The following MTUS1 variants were observed in gnomAD, a reference collection of about 807,000 sequenced individuals.
The protein encoded by MTUS1 is microtubule-associated tumor suppressor 1.
In MTUS1, 109 loss-of-function variants were observed where a neutral mutation model predicts 120.8. The ratio of observed to expected loss-of-function variants is 0.90; its 90% confidence interval spans 0.77 to 1.06. The LOEUF is 1.06. Ranked by LOEUF, MTUS1 falls within the 50% of genes least tolerant of loss-of-function variation. MTUS1 has a pLI of 0.00. For synonymous variants in MTUS1, 737 were observed against 550.5 expected (o/e 1.34, Z -4.74); for missense variants, 2,210 against 1,486.3 (o/e 1.49, Z -8.01).
At chr8:17,689,043 C>T (rs1183858111) in intron 6 of MTUS1, among the ~76,000 whole-genome samples, 3 of 152,030 alleles carry the variant, frequency 2.0e-5, no homozygotes, top group Non-Finnish European at 4.4e-5. Context: ...AACCCCATCT[C>T]GACTAAAAAT....
At chr8:17,779,089 C>A (rs2050677995) in intron 1 of MTUS1, among the ~76,000 whole-genome samples, 1 of 152,112 alleles carries the variant, frequency 6.6e-6, no homozygotes, top group African/African-American at 2.4e-5. Flanking sequence ...CAAGGAAGGC[C>A]TCTCTGAACA....
chr8:17,744,689 CTTTTTTT>C (rs58283163), intron 2 of MTUS1, among the ~76,000 whole-genome samples: 1 of 99,014 alleles, frequency 1.0e-5, no homozygotes, highest in African/African-American at 4.1e-5. Context: ...ACCATGTTTT[CTTTTTTT>C]TTTTTTTTTT....
chr8:17,794,577 C>T (rs2052066962), intron 1 of MTUS1, among the ~76,000 whole-genome samples: 1 of 152,162 alleles, frequency 6.6e-6, no homozygotes, highest in South Asian at 2.1e-4. Flanking sequence ...TCCTTCTACC[C>T]TATCCTGACC....
chr8:17,712,454 A>C (rs1821501854), intron 6 of MTUS1, among the ~76,000 whole-genome samples: 1 of 152,064 alleles, frequency 6.6e-6, no homozygotes, highest in African/African-American at 2.4e-5. Context: ...ATCCTGCCTC[A>C]GCCTCCTGAG....
At chr8:17,667,537 T>C (rs1306727102) in intron 8 of MTUS1, among the ~76,000 whole-genome samples, 3 of 152,256 alleles carry the variant, frequency 2.0e-5, no homozygotes, top group Non-Finnish European at 4.4e-5. Context: ...ATGTGTATAC[T>C]GCTTTTGGCA....
intron 3 of MTUS1, among the ~76,000 whole-genome samples, chr8:17,727,489 A>G (rs2046298597): frequency 6.6e-6 from 1 of 152,218 alleles, no homozygotes; most frequent in Non-Finnish European, 1.5e-5. Context: ...CGGAATGGTG[A>G]AAACCGTACG....
chr8:17,759,792 A>T (rs961538747), intron 1 of MTUS1, among the ~76,000 whole-genome samples: 8 of 151,710 alleles, frequency 5.3e-5, no homozygotes, highest in African/African-American at 1.9e-4. Flanking sequence ...ACTAAAGTTA[A>T]GGTTAAATGT....
chr8:17,775,977 G>T (rs1351990276), intron 1 of MTUS1, among the ~76,000 whole-genome samples: 1 of 152,204 alleles, frequency 6.6e-6, no homozygotes, highest in African/African-American at 2.4e-5. Context: ...GGCAAAGAAT[G>T]ACACAACTAC....
intron 2 of MTUS1, among the ~76,000 whole-genome samples, chr8:17,747,371 C>A (rs902014706): frequency 6.6e-6 from 1 of 151,942 alleles, no homozygotes; most frequent in African/African-American, 2.4e-5. Context: ...ACTCTGCCCA[C>A]CACCACATCT....
rs1401740727 is a variant in MTUS1, at chr8:17,753,909, C to G, written c.1899G>C (p.Leu633Phe). The G allele has an allele frequency of 6.2e-7, 1 of 1,614,066 alleles. No individual in the cohort carries two copies. The highest frequency in any genetic ancestry group is 1.1e-5 in the South Asian group (1 of 91,078). Residue 633 changes from leucine (L) to phenylalanine (F), a missense_variant, in exon 2 of 15, where the codon TTG becomes TTC. By Grantham distance (22) the Leu-to-Phe change is conservative. Transcript: ENST00000693296. ...SACETGSVSALFQKIKGILPV... is the reference protein window; with the variant it reads ...SACETGSVSAFFQKIKGILPV... ...GGAGTATGCCTTTGATCTTCTGAAA[C>G]AACGCAGAAACGGACCCGGTCTCGC...
At chr8:17,674,698 A>G in intron 8 of MTUS1, 2 of 987,784 alleles carry the variant, frequency 2.0e-6, no homozygotes, top group South Asian at 4.7e-5. Flanking sequence ...CCCCCTCCAA[A>G]TAGTAAGATT....
At chr8:17,785,763 G>T (rs2051252767) in intron 1 of MTUS1, among the ~76,000 whole-genome samples, 1 of 152,124 alleles carries the variant, frequency 6.6e-6, no homozygotes, top group Non-Finnish European at 1.5e-5. Context: ...GATCTGGAGG[G>T]CAGTTTCTCA....
At chr8:17,734,194 A>C (rs1421996291) in intron 3 of MTUS1, 1 of 152,220 alleles carries the variant, frequency 6.6e-6, no homozygotes, top group Non-Finnish European at 1.5e-5. Context: ...TGTCTGGTAC[A>C]TGACTTACCT....
intron 6 of MTUS1, among the ~76,000 whole-genome samples, chr8:17,692,562 C>G (rs575513802): frequency 2.0e-5 from 3 of 152,160 alleles, no homozygotes; most frequent in Admixed American, 2.0e-4. Context: ...GAATTTCATC[C>G]TAATTAAACA....
intron 3 of MTUS1, among the ~76,000 whole-genome samples, chr8:17,726,358 G>A (rs2046231049): frequency 6.6e-6 from 1 of 152,120 alleles, no homozygotes; most frequent in Non-Finnish European, 1.5e-5. Flanking sequence ...CTCACACCAT[G>A]TACTTGTTTC....
chr8:17,713,747 T>TG (rs1420373601), intron 5 of MTUS1, among the ~76,000 whole-genome samples: 1 of 152,180 alleles, frequency 6.6e-6, no homozygotes, highest in African/African-American at 2.4e-5. Context: ...GGTACACAGC[T>TG]GTAAGTCACT....
chr8:17,784,878 G>A (rs1026244516), intron 1 of MTUS1, among the ~76,000 whole-genome samples: 4 of 151,604 alleles, frequency 2.6e-5, no homozygotes, highest in South Asian at 2.1e-4. Flanking sequence ...TCCGCCTCCC[G>A]GCTTCAAGTG....
chr8:17,690,818 C>T (rs538489283), intron 6 of MTUS1, among the ~76,000 whole-genome samples: 1 of 152,058 alleles, frequency 6.6e-6, no homozygotes, highest in South Asian at 2.1e-4. Context: ...ATAAAAAGGA[C>T]CCTCGTGTAC....
At chr8:17,678,593 G>A (rs1433289193) in intron 7 of MTUS1, among the ~76,000 whole-genome samples, 1 of 152,000 alleles carries the variant, frequency 6.6e-6, no homozygotes, top group Non-Finnish European at 1.5e-5. Flanking sequence ...CACATCAGAT[G>A]GCTCAGACGT....
Sources: gnomAD v4.1 joint callset for allele counts (sites outside exome capture counted in the v4.1 genomes callset) on GRCh38, gnomAD v4.1.1 for gene constraint, MANE v1.5 for transcripts, NCBI Gene and HGNC (gene_info 2026-07-23, HGNC 2026-07-21) for gene names.